DENND5B: variants seen among roughly 807,000 people sequenced by gnomAD.
DENND5B encodes the protein DENN domain containing 5B.
In DENND5B, 34 loss-of-function variants were observed where a neutral mutation model predicts 140.6. The ratio of observed to expected loss-of-function variants is 0.24; its 90% confidence interval spans 0.18 to 0.32. The LOEUF (loss-of-function observed/expected upper bound fraction) is 0.32. Among genes scored for constraint, DENND5B ranks in the 10% least tolerant of loss-of-function variants. The pLI is 1.00. For synonymous variants in DENND5B, 551 were observed against 562.1 expected (o/e 0.98, Z 0.28); for missense variants, 1,142 against 1,560.2 (o/e 0.73, Z 4.52).
intron 1 of DENND5B, among the ~76,000 whole-genome samples, chr12:31,549,488 T>C (rs531383813): frequency 6.6e-6 from 1 of 152,224 alleles, no homozygotes; most frequent in South Asian, 2.1e-4. Flanking sequence ...TTGGGTCCTA[T>C]GGGTTTCCAT....
chr12:31,433,201 A>T lies in DENND5B; in HGVS notation c.2060T>A (p.Leu687His). 1 of 1,614,000 alleles carries T rather than the reference A, an allele frequency of 6.2e-7. No individual in the cohort carries two copies. The highest frequency in any genetic ancestry group is 8.5e-7 in the Non-Finnish European group (1 of 1,179,886). ...CCCAACATGCTCAGAATGCTGGCGAAGGCGTTCTTTCCTGCGCTGTGCAGT... is the reference window on the plus strand; with the variant it reads ...CCCAACATGCTCAGAATGCTGGCGATGGCGTTCTTTCCTGCGCTGTGCAGT... ...SATAQRRKERLRQHSEHVGLD... is the reference protein window; with the variant it reads ...SATAQRRKERHRQHSEHVGLD... The change falls in exon 8 of 21, where the codon CTT becomes CAT. Residue 687 changes from leucine (L) to histidine (H), a missense_variant. Leu to His is a moderately conservative substitution (Grantham distance 99). Transcript: ENST00000389082.
At chr12:31,484,352 A>G (rs991998522) in intron 2 of DENND5B, among the ~76,000 whole-genome samples, 5 of 152,122 alleles carry the variant, frequency 3.3e-5, no homozygotes, top group Admixed American at 6.5e-5. Flanking sequence ...TGATCAATTG[A>G]GAGTAATCAC....
chr12:31,574,521 C>T (rs757918488), intron 1 of DENND5B, among the ~76,000 whole-genome samples: 3 of 151,412 alleles, frequency 2.0e-5, no homozygotes, highest in Non-Finnish European at 2.9e-5. Flanking sequence ...ACCTGGGAGG[C>T]GGAGGTTGCA....
chr12:31,408,487 T>C (rs930286529), intron 14 of DENND5B, among the ~76,000 whole-genome samples: 7 of 150,078 alleles, frequency 4.7e-5, no homozygotes, highest in Admixed American at 3.3e-4. Flanking sequence ...ATTAGCCGGG[T>C]GTGGTGGGGC....
At chr12:31,477,064 C>T (rs1945848818) in intron 3 of DENND5B, among the ~76,000 whole-genome samples, 1 of 151,782 alleles carries the variant, frequency 6.6e-6, no homozygotes, top group South Asian at 2.1e-4. Flanking sequence ...CCTGTCTCTA[C>T]TAAAAATACA....
intron 5 of DENND5B, among the ~76,000 whole-genome samples, chr12:31,450,417 T>C (rs1944463236): frequency 6.6e-6 from 1 of 152,202 alleles, no homozygotes; most frequent in Non-Finnish European, 1.5e-5. Context: ...TGGAGTGCAG[T>C]GGCATCATCT....
At chr12:31,588,439 GCA>G (rs1950475652) in intron 1 of DENND5B, among the ~76,000 whole-genome samples, 1 of 152,158 alleles carries the variant, frequency 6.6e-6, no homozygotes, top group Non-Finnish European at 1.5e-5. Context: ...ATTCAACCAA[GCA>G]CAGATTGAAA....
intron 4 of DENND5B, among the ~76,000 whole-genome samples, chr12:31,459,130 T>G (rs1944905032): frequency 6.6e-6 from 1 of 151,444 alleles, no homozygotes; most frequent in South Asian, 2.1e-4. Flanking sequence ...GAGAATCACT[T>G]AAACCCAGGA....
At chr12:31,589,541 G>T (rs1190074128) in intron 1 of DENND5B, among the ~76,000 whole-genome samples, 1 of 152,072 alleles carries the variant, frequency 6.6e-6, no homozygotes, top group Non-Finnish European at 1.5e-5. Context: ...TGTATTTTAA[G>T]GCTGAACAGT....
At position 31,581,026 on chromosome 12, in the gene DENND5B, G is replaced by A. The variant is rs1362549593; in HGVS notation, c.127+9680C>T. On this transcript the variant is annotated intron_variant, in intron 1 of 20. Transcript: ENST00000389082. ...AGGCTGAGGTAGGAGGATCACTTGA[G>A]CCTAGGAGGTTGAGGCTGCAGTGAG... Among the ~76,000 whole-genome samples the A allele has an allele frequency of 2.6e-5, 4 of 152,140 alleles. No homozygotes were observed. The East Asian group carries it at 7.7e-4, about 29-fold the overall frequency.
At chr12:31,581,142 T>A (rs1950198335) in intron 1 of DENND5B, among the ~76,000 whole-genome samples, 1 of 152,100 alleles carries the variant, frequency 6.6e-6, no homozygotes, top group African/African-American at 2.4e-5. Flanking sequence ...GTAATATTTA[T>A]TTGTTATAAA....
At chr12:31,587,783 G>C (rs1352784847) in intron 1 of DENND5B, among the ~76,000 whole-genome samples, 1 of 152,026 alleles carries the variant, frequency 6.6e-6, no homozygotes, top group East Asian at 1.9e-4. Context: ...CTGACCTCAA[G>C]TGATCCACCT....
intron 1 of DENND5B, among the ~76,000 whole-genome samples, chr12:31,587,620 T>C (rs1260895633): frequency 8.0e-6 from 1 of 125,546 alleles, no homozygotes; most frequent in African/African-American, 3.0e-5. Flanking sequence ...CGATCTCAGC[T>C]CACTGCAACC....
intron 1 of DENND5B, among the ~76,000 whole-genome samples, chr12:31,530,729 T>C (rs1948251751): frequency 6.6e-6 from 1 of 152,254 alleles, no homozygotes; most frequent in African/African-American, 2.4e-5. Flanking sequence ...ATGAAAATTA[T>C]TTAATGAAAA....
intron 11 of DENND5B, among the ~76,000 whole-genome samples, chr12:31,416,056 T>TG (rs1194917433): frequency 6.6e-6 from 1 of 151,948 alleles, no homozygotes; most frequent in Non-Finnish European, 1.5e-5. Flanking sequence ...AGGCTGGTCT[T>TG]GAACTCCCGA....
rs1428933480 is a variant in DENND5B, at chr12:31,385,330, G to T, written c.*2273C>A. ...TGTGTTGTCAGTAACCAGCTGTGGG[G>T]TAAGTGTAAGATTTAATCTCTCTAT... is the stretch of plus-strand genomic sequence containing the variant. On this transcript the variant is annotated 3_prime_UTR_variant, in exon 21 of 21. Transcript: ENST00000389082. 6.6e-6 allele frequency: 1 copy of T among 152,152 alleles called. No individual in the cohort carries two copies. The highest frequency in any genetic ancestry group is 1.5e-5 in the Non-Finnish European group (1 of 68,042). 9.4% of individuals were successfully genotyped at this position (152,152 alleles called of 1,614,324 possible).
At chr12:31,436,878 T>A (rs189683330) in intron 7 of DENND5B, among the ~76,000 whole-genome samples, 1 of 152,174 alleles carries the variant, frequency 6.6e-6, no homozygotes, top group African/African-American at 2.4e-5. Flanking sequence ...ATGAAATAAG[T>A]TCTGTCACCT....
intron 7 of DENND5B, among the ~76,000 whole-genome samples, chr12:31,434,206 G>T (rs1409540702): frequency 6.6e-6 from 1 of 152,052 alleles, no homozygotes; most frequent in Admixed American, 6.6e-5. Flanking sequence ...TAAAACCTGA[G>T]CTCTTTTCCA....
intron 5 of DENND5B, among the ~76,000 whole-genome samples, chr12:31,450,961 A>G (rs961665098): frequency 3.3e-5 from 5 of 152,206 alleles, no homozygotes; most frequent in African/African-American, 1.2e-4. Flanking sequence ...TAGAAATCAC[A>G]GGACAAGGAA....
Sources: gnomAD v4.1 joint callset for allele counts (sites outside exome capture counted in the v4.1 genomes callset) on GRCh38, gnomAD v4.1.1 for gene constraint, MANE v1.5 for transcripts, NCBI Gene and HGNC (gene_info 2026-07-23, HGNC 2026-07-21) for gene names.